UGT2B7: variants seen among roughly 807,000 people sequenced by gnomAD.
UGT2B7 encodes UDP-glucuronosyltransferase 2B7.
Under a neutral mutation model 51.9 loss-of-function variants are expected in UGT2B7, and 51 were observed. The ratio of observed to expected loss-of-function variants is 0.98; its 90% CI spans 0.78 to 1.24. UGT2B7 has a LOEUF of 1.24. UGT2B7 is among the 50% of genes most tolerant of loss of function. The pLI is 0.00. For missense variants in UGT2B7, 727 were observed against 628.4 expected (o/e 1.16, Z -1.68); for synonymous variants, 225 against 211.6 (o/e 1.06, Z -0.55).
At chr4:69,111,997 C>T (rs1358269552) in intron 5 of UGT2B7, among the ~76,000 whole-genome samples, 2 of 152,136 alleles carry the variant, frequency 1.3e-5, no homozygotes, top group Non-Finnish European at 2.9e-5. Flanking sequence ...TGCTTCATAT[C>T]GTCTTATGCC....
chr4:69,078,008 A>G (rs1718752873), intron 1 of UGT2B7, among the ~76,000 whole-genome samples: 1 of 152,210 alleles, frequency 6.6e-6, no homozygotes, highest in East Asian at 1.9e-4. Flanking sequence ...AATTTTGTCA[A>G]TGGCCCTTTC....
At chr4:69,089,280 T>C (rs189356200) in intron 1 of UGT2B7, among the ~76,000 whole-genome samples, 1 of 152,332 alleles carries the variant, frequency 6.6e-6, no homozygotes, top group East Asian at 1.9e-4. Flanking sequence ...TTCTAGTACA[T>C]AATTACTATG....
intron 1 of UGT2B7, among the ~76,000 whole-genome samples, chr4:69,070,437 G>GAAAAAAAAAAA (rs35601781): frequency 7.1e-6 from 1 of 140,182 alleles, no homozygotes. Flanking sequence ...GTCCCTGTCA[G>GAAAAAAAAAAA]AAAAAAAAAA....
intron 5 of UGT2B7, among the ~76,000 whole-genome samples, chr4:69,112,091 G>A (rs558086178): frequency 6.6e-6 from 1 of 152,210 alleles, no homozygotes; most frequent in African/African-American, 2.4e-5. Flanking sequence ...CACACCCTGT[G>A]CCTGATAGTT....
intron 2 of UGT2B7, among the ~76,000 whole-genome samples, chr4:69,101,144 A>C (rs1325962314): frequency 6.6e-6 from 1 of 152,054 alleles, no homozygotes; most frequent in African/African-American, 2.4e-5. Context: ...ATTACAAATA[A>C]AGTGAGTTAG....
chr4:69,112,915 C>T lies in UGT2B7; in HGVS notation c.*179C>T, dbSNP rs1719828144. ...ATTTGTTTTTCAGAGATTTACCACC[C>T]AGTTCATGGTTAGAAATATTTTGTG... On this transcript the variant is annotated 3_prime_UTR_variant, in exon 6 of 6. Transcript: ENST00000305231. The T allele has an allele frequency of 2.2e-6, 2 of 913,598 alleles. No homozygotes were observed. Among genetic ancestry groups the T allele is most frequent in the African/African-American group, 1.7e-5 (1 of 58,368 alleles). 56.6% of individuals were successfully genotyped at this position (913,598 alleles called of 1,614,324 possible).
chr4:69,078,851 G>T (rs1718773594), intron 1 of UGT2B7, among the ~76,000 whole-genome samples: 1 of 152,102 alleles, frequency 6.6e-6, no homozygotes, highest in Non-Finnish European at 1.5e-5. Context: ...TGGGGCAATA[G>T]GAGTCTGCAC....
intron 2 of UGT2B7, among the ~76,000 whole-genome samples, chr4:69,100,946 G>A (rs1325452749): frequency 1.3e-5 from 2 of 151,958 alleles, no homozygotes; most frequent in African/African-American, 2.4e-5. Flanking sequence ...ATATGTTCAC[G>A]TGAAATCATA....
chr4:69,097,865 C>T (rs1269255263), intron 1 of UGT2B7, among the ~76,000 whole-genome samples: 3 of 151,978 alleles, frequency 2.0e-5, no homozygotes, highest in Admixed American at 6.6e-5. Flanking sequence ...GTTGTTATAT[C>T]TACATAGTTT....
intron 2 of UGT2B7, among the ~76,000 whole-genome samples, chr4:69,098,971 A>T (rs1483785077): frequency 6.6e-6 from 1 of 152,030 alleles, no homozygotes; most frequent in African/African-American, 2.4e-5. Context: ...TTGGTCATCC[A>T]ATCAAATAAT....
At chr4:69,107,041 C>G (rs769329194) in intron 3 of UGT2B7, 134 bp from the exon 4 acceptor site, 3 of 953,484 alleles carry the variant, frequency 3.1e-6, no homozygotes, top group Non-Finnish European at 4.4e-6. Flanking sequence ...TGTGAGTATT[C>G]TATTTACATT....
intron 1 of UGT2B7, among the ~76,000 whole-genome samples, chr4:69,056,335 C>G (rs1314244304): frequency 1.3e-5 from 2 of 152,182 alleles, no homozygotes; most frequent in Non-Finnish European, 2.9e-5. Flanking sequence ...GAAATTATTA[C>G]TAATAAAACC....
chr4:69,108,386 T>G, intron 5 of UGT2B7, 64 bp downstream of exon 5: 1 of 1,560,174 alleles, frequency 6.4e-7, no homozygotes, highest in South Asian at 1.2e-5. Flanking sequence ...CAATAGTGAG[T>G]GTGAGTTTCA....
At chr4:69,105,012 T>A (rs1719551544) in intron 3 of UGT2B7, among the ~76,000 whole-genome samples, 1 of 151,890 alleles carries the variant, frequency 6.6e-6, no homozygotes, top group South Asian at 2.1e-4. Context: ...CCAGATAGAT[T>A]TAGAGAAAGA....
intron 1 of UGT2B7, among the ~76,000 whole-genome samples, chr4:69,061,538 A>G (rs1164702563): frequency 6.6e-6 from 1 of 152,184 alleles, no homozygotes; most frequent in Non-Finnish European, 1.5e-5. Context: ...AAAGGGCTTG[A>G]TTTGCCCAGG....
chr4:69,099,171 T>C (rs1278766178), intron 2 of UGT2B7, among the ~76,000 whole-genome samples: 1 of 145,376 alleles, frequency 6.9e-6, no homozygotes, highest in Non-Finnish European at 1.5e-5. Flanking sequence ...GTGGAGATAA[T>C]AGAAAGTATC....
At chr4:69,059,911 T>C (rs1560498280) in intron 1 of UGT2B7, among the ~76,000 whole-genome samples, 1 of 152,186 alleles carries the variant, frequency 6.6e-6, no homozygotes, top group Non-Finnish European at 1.5e-5. Flanking sequence ...TGATTTACAG[T>C]CCTAGATTTA....
intron 1 of UGT2B7, among the ~76,000 whole-genome samples, chr4:69,054,172 C>T (rs367551067): frequency 1.3e-5 from 2 of 151,880 alleles, no homozygotes; most frequent in African/African-American, 4.8e-5. Context: ...CATGTCGGCC[C>T]CAGCCCTGAG....
intron 1 of UGT2B7, among the ~76,000 whole-genome samples, chr4:69,063,686 T>C (rs947725952): frequency 6.6e-6 from 1 of 152,190 alleles, no homozygotes; most frequent in Non-Finnish European, 1.5e-5. Context: ...AGATAGCTCA[T>C]GTCCCAGTTC....
Sources: gnomAD v4.1 joint callset for allele counts (sites outside exome capture counted in the v4.1 genomes callset) on GRCh38, gnomAD v4.1.1 for gene constraint, MANE v1.5 for transcripts, NCBI Gene and HGNC (gene_info 2026-07-23, HGNC 2026-07-21) for gene names.